The following DACH2 variants were observed in gnomAD, a reference collection of about 807,000 sequenced individuals.
DACH2 encodes the protein dachshund family transcription factor 2.
Under a neutral mutation model 35.8 loss-of-function variants are expected in DACH2, and 17 were observed. That is an observed-to-expected ratio of 0.48 (90% CI 0.33 to 0.71). DACH2 has a LOEUF of 0.71. DACH2 is among the 30% of genes least tolerant of loss of function. DACH2 has a pLI of 0.02. For missense variants in DACH2, 469 were observed against 472.7 expected (o/e 0.99, Z 0.07); for synonymous variants, 195 against 177.3 (o/e 1.10, Z -0.79).
At chrX:86,374,846 T>G (rs1375461462) in intron 1 of DACH2, among the ~76,000 whole-genome samples, 1 of 110,376 alleles carries the variant, frequency 9.1e-6, no homozygotes, top group Non-Finnish European at 1.9e-5. Context: ...TAACCTATTC[T>G]GTACTGAGCT....
At chrX:86,547,327 G>T (rs1309483339) in intron 3 of DACH2, among the ~76,000 whole-genome samples, 1 of 111,300 alleles carries the variant, frequency 9.0e-6, no homozygotes, top group Non-Finnish European at 1.9e-5. Flanking sequence ...TTGGCCAGTG[G>T]GACTATTATG....
chrX:86,641,995 G>A (rs1055709439), intron 3 of DACH2, among the ~76,000 whole-genome samples: 2 of 111,529 alleles, frequency 1.8e-5, no homozygotes, highest in African/African-American at 6.5e-5. Flanking sequence ...TACCAGCTAA[G>A]ACAAAAACAC....
At chrX:86,582,487 C>A (rs1305474839) in intron 3 of DACH2, among the ~76,000 whole-genome samples, 1 of 110,246 alleles carries the variant, frequency 9.1e-6, no homozygotes, top group Non-Finnish European at 1.9e-5. Context: ...AGAAAAAATC[C>A]AAATAAACAC....
intron 1 of DACH2, among the ~76,000 whole-genome samples, chrX:86,347,678 C>G (rs766544616): frequency 3.5e-5 from 4 of 112,708 alleles, no homozygotes; most frequent in East Asian, 2.8e-4. Context: ...AAGTACATTT[C>G]TTTGACCATC....
intron 2 of DACH2, among the ~76,000 whole-genome samples, chrX:86,442,355 TTGTGTGTGTGTGTGTGTGTG>T (rs780963312): frequency 1.4e-5 from 1 of 71,336 alleles, no homozygotes; most frequent in Non-Finnish European, 2.6e-5. Context: ...AAGTAGTATT[TTGTGTGTGTGTGTGTGTGTG>T]TGTGTGTGTG....
intron 1 of DACH2, among the ~76,000 whole-genome samples, chrX:86,252,718 C>T (rs2033426182): frequency 9.0e-6 from 1 of 110,871 alleles, no homozygotes; most frequent in Non-Finnish European, 1.9e-5. Flanking sequence ...ATTTTTCTAC[C>T]AGTACTATGC....
chrX:86,491,476 T>G (rs1486231269), intron 2 of DACH2, among the ~76,000 whole-genome samples: 1 of 111,932 alleles, frequency 8.9e-6, no homozygotes, highest in Non-Finnish European at 1.9e-5. Flanking sequence ...AGGAAGCAAA[T>G]GTTTTAGTGA....
Position 86,161,056 on chromosome X carries a change from TGTC to T in DACH2, c.488+11949_488+11951del, listed in dbSNP as rs771190705. 1.5e-5 allele frequency: 16 copies of T among 1,052,858 alleles called. No homozygotes were observed. In the East Asian group the frequency reaches 4.3e-4, roughly 28 times the overall value. 86.8% of individuals were successfully genotyped at this position (1,052,858 alleles called of 1,213,427 possible). On this transcript the variant is annotated intron_variant, in intron 1 of 11. Transcript: ENST00000373125. ...ACGTTAGCAGTTGCCTCCAGCATGT[TGTC>T]ATCATTCCAACCAGAAATTGGCACA... is the stretch of plus-strand genomic sequence containing the variant.
chrX:86,600,749 C>T (rs753291756), intron 3 of DACH2, among the ~76,000 whole-genome samples: 1 of 111,569 alleles, frequency 9.0e-6, no homozygotes, highest in Admixed American at 9.5e-5. Flanking sequence ...TCCTTTTTTC[C>T]TAAGCTCTCC....
chrX:86,193,856 T>G (rs1454485520), intron 1 of DACH2, among the ~76,000 whole-genome samples: 1 of 110,368 alleles, frequency 9.1e-6, no homozygotes, highest in African/African-American at 3.3e-5. Flanking sequence ...TATTGTTTCT[T>G]TTAGAGACCT....
chrX:86,612,435 T>C (rs113940359), intron 3 of DACH2, among the ~76,000 whole-genome samples: 5 of 111,019 alleles, frequency 4.5e-5, no homozygotes, highest in African/African-American at 1.6e-4. Flanking sequence ...ATTTCAGTCC[T>C]TGTGGCCTAA....
At chrX:86,340,742 A>C (rs979274608) in intron 1 of DACH2, among the ~76,000 whole-genome samples, 1 of 112,177 alleles carries the variant, frequency 8.9e-6, no homozygotes, top group Non-Finnish European at 1.9e-5. Flanking sequence ...TCTTGAGGGA[A>C]ATTAAAAAGT....
intron 1 of DACH2, among the ~76,000 whole-genome samples, chrX:86,296,869 A>T (rs190035798): frequency 1.0e-4 from 11 of 110,117 alleles, no homozygotes; most frequent in African/African-American, 3.6e-4. Context: ...AAAATAATAC[A>T]CATGACTGGT....
At chrX:86,171,154 A>G (rs1490492435) in intron 1 of DACH2, among the ~76,000 whole-genome samples, 2 of 111,068 alleles carry the variant, frequency 1.8e-5, no homozygotes, top group Non-Finnish European at 3.8e-5. Flanking sequence ...TTCTTTTCAC[A>G]TGGTGAATGG....
At chrX:86,437,485 T>C (rs991190179) in intron 2 of DACH2, among the ~76,000 whole-genome samples, 2 of 111,861 alleles carry the variant, frequency 1.8e-5, no homozygotes, top group East Asian at 5.6e-4. Context: ...TTCTATTCTC[T>C]ACTTTCATAA....
At chrX:86,453,594 T>C (rs747104223) in intron 2 of DACH2, among the ~76,000 whole-genome samples, 12 of 112,059 alleles carry the variant, frequency 1.1e-4, no homozygotes, top group East Asian at 2.8e-4. Flanking sequence ...TTTTTATCTT[T>C]GTTGGTTTAA....
intron 3 of DACH2, among the ~76,000 whole-genome samples, chrX:86,544,805 A>C (rs2038935299): frequency 8.9e-6 from 1 of 112,205 alleles, no homozygotes; most frequent in South Asian, 3.7e-4. Flanking sequence ...TTAACCTTGA[A>C]TGTAAATAGG....
intron 2 of DACH2, among the ~76,000 whole-genome samples, chrX:86,401,354 C>T (rs745637570): frequency 2.2e-4 from 25 of 112,102 alleles, no homozygotes; most frequent in African/African-American, 5.5e-4. Context: ...TGCCCTGCTT[C>T]GGCTTATGCA....
intron 3 of DACH2, among the ~76,000 whole-genome samples, chrX:86,628,687 C>A (rs1452139779): frequency 8.9e-6 from 1 of 111,940 alleles, no homozygotes; most frequent in African/African-American, 3.2e-5. Context: ...AACAAAGAAT[C>A]ATAGTAGTTG....
Sources: allele counts gnomAD v4.1 joint callset (sites outside exome capture counted in the v4.1 genomes callset), GRCh38; gene constraint gnomAD v4.1.1; transcripts MANE v1.5; gene names NCBI Gene and HGNC (gene_info 2026-07-23, HGNC 2026-07-21).